Variants in PRDM16 observed in about 807,000 individuals in gnomAD.
The protein encoded by PRDM16 is histone-lysine N-methyltransferase PRDM16.
A neutral mutation model predicts 110.6 loss-of-function variants in PRDM16; 23 were observed. That is an observed-to-expected ratio of 0.21 (90% CI 0.15 to 0.29). The LOEUF is 0.29. PRDM16 is among the 10% of genes least tolerant of loss of function. The pLI is 1.00. For synonymous variants in PRDM16, 799 were observed against 781.8 expected, an observed-to-expected ratio of 1.02 and a Z score of -0.37; for missense variants, 1,615 against 1,794.3, an observed-to-expected ratio of 0.90 and a Z score of 1.81.
intron 1 of PRDM16, among the ~76,000 whole-genome samples, chr1:3,111,230 TG>T (rs1199763204): frequency 6.6e-6 from 1 of 152,078 alleles, no homozygotes; most frequent in African/African-American, 2.4e-5. Context: ...CCAAGGCCCC[TG>T]GGAGACGCGG....
At chr1:3,116,236 G>C (rs183579616) in intron 1 of PRDM16, among the ~76,000 whole-genome samples, 1 of 152,146 alleles carries the variant, frequency 6.6e-6, no homozygotes, top group Non-Finnish European at 1.5e-5. Context: ...CATGGCACCC[G>C]TGTCTCTGCA....
chr1:3,427,610 A>G (rs1638646851), intron 14 of PRDM16, among the ~76,000 whole-genome samples: 1 of 152,086 alleles, frequency 6.6e-6, no homozygotes, highest in Non-Finnish European at 1.5e-5. Context: ...CATCCAAGCA[A>G]TAAACACAGG....
intron 1 of PRDM16, among the ~76,000 whole-genome samples, chr1:3,178,572 A>G (rs1204695263): frequency 2.0e-5 from 3 of 152,184 alleles, no homozygotes; most frequent in African/African-American, 7.2e-5. Flanking sequence ...CTCAGGGTCA[A>G]TAAGGGTTTC....
At chr1:3,227,248 G>A (rs1244713846) in intron 2 of PRDM16, among the ~76,000 whole-genome samples, 1 of 152,214 alleles carries the variant, frequency 6.6e-6, no homozygotes, top group Non-Finnish European at 1.5e-5. Context: ...CAGCCCCGGT[G>A]GCCGTTTGGG....
chr1:3,414,964 T>C (rs1643755269), intron 10 of PRDM16, among the ~76,000 whole-genome samples: 1 of 152,058 alleles, frequency 6.6e-6, no homozygotes, highest in Non-Finnish European at 1.5e-5. Flanking sequence ...GGGCAGGGAT[T>C]GTGAGTGAGG....
chr1:3,339,229 A>G lies in PRDM16; in HGVS notation c.439-45923A>G, dbSNP rs78332062. 1.2e-3 allele frequency among the ~76,000 whole-genome samples: 183 copies of G among 152,084 alleles called. 5 individuals carry two copies. In the East Asian group the frequency reaches 0.034, roughly 28 times the overall value. Reference sequence around the variant, plus strand: ...AAAGCCGAACCACGTTTTGTGGGATACTGCCCCCGAGGGAGACAGCTCACC... The same window carrying G: ...AAAGCCGAACCACGTTTTGTGGGATGCTGCCCCCGAGGGAGACAGCTCACC... On this transcript the variant is annotated intron_variant, in intron 3 of 16. Coordinates refer to ENST00000270722, the MANE Select transcript of PRDM16 (RefSeq NM_022114.4). This position sits in a 1 kb window ranked among gnomAD's most constrained non-coding sequence, Gnocchi z 5.0.
rs368705439 is a variant in PRDM16 at position 3,414,544 on chromosome 1, C to G, written c.2604-16C>G. 15 of 1,606,436 alleles carry G rather than the reference C, an allele frequency of 9.3e-6. No homozygotes were observed. Among genetic ancestry groups the G allele is most frequent in the Middle Eastern group, 3.3e-4 (2 of 6,054 alleles). ...GCGGCTCGGTGGGGTACGTAACCCT[C>G]TGTGCTGTTGTCCAGCAGGGTAGAA... On this transcript the variant is annotated splice_polypyrimidine_tract_variant and intron_variant, in intron 9 of 16. Coordinates refer to ENST00000270722, the MANE Select transcript of PRDM16 (RefSeq NM_022114.4).
intron 1 of PRDM16, among the ~76,000 whole-genome samples, chr1:3,140,076 C>T (rs996356247): frequency 7.2e-5 from 11 of 152,340 alleles, no homozygotes; most frequent in East Asian, 1.9e-4. Context: ...GCGAGACTGG[C>T]GTTTTAAACC....
intron 2 of PRDM16, among the ~76,000 whole-genome samples, chr1:3,200,383 C>A (rs1380129825): frequency 6.6e-6 from 1 of 152,180 alleles, no homozygotes; most frequent in Non-Finnish European, 1.5e-5. Context: ...TGCTCTGCTG[C>A]CCAGGCTGGA....
At chr1:3,092,363 G>A (rs1557439828) in intron 1 of PRDM16, among the ~76,000 whole-genome samples, 1 of 152,014 alleles carries the variant, frequency 6.6e-6, no homozygotes, top group African/African-American at 2.4e-5. Context: ...ACCCGGTCCT[G>A]CCCCACTGCT....
chr1:3,176,804 C>T (rs1390628144), intron 1 of PRDM16, among the ~76,000 whole-genome samples: 1 of 151,316 alleles, frequency 6.6e-6, no homozygotes, highest in Non-Finnish European at 1.5e-5. Context: ...ATCTATCCAC[C>T]CCTTGATTCA....
In PRDM16 at chr1:3,213,298, C is replaced by T. The variant is rs1262462183; in HGVS notation, c.387+26824C>T. Among the ~76,000 whole-genome samples the T allele has an allele frequency of 2.0e-5, 3 of 148,536 alleles. No homozygotes were observed. Among genetic ancestry groups the T allele is most frequent in the African/African-American group, 5.0e-5 (2 of 40,308 alleles). On this transcript the variant is annotated intron_variant, in intron 2 of 16. Transcript: ENST00000270722. This position sits in a 1 kb window ranked among gnomAD's most constrained non-coding sequence, Gnocchi z 5.3. Reference sequence around the variant, plus strand: ...ATTAAACATGGCATGTCCATCAAGTCATAGAGACAACCATTTCTGCTTAAT... The same window carrying T: ...ATTAAACATGGCATGTCCATCAAGTTATAGAGACAACCATTTCTGCTTAAT...
chr1:3,296,507 CG>C (rs1641092750), intron 3 of PRDM16, among the ~76,000 whole-genome samples: 2 of 152,354 alleles, frequency 1.3e-5, no homozygotes, highest in Non-Finnish European at 1.5e-5. Context: ...AGCCCTAACC[CG>C]GGGCCTCGTG....
intron 2 of PRDM16, among the ~76,000 whole-genome samples, chr1:3,210,273 A>C (rs527277165): frequency 4.6e-5 from 7 of 152,298 alleles, no homozygotes; most frequent in African/African-American, 1.7e-4. Flanking sequence ...AGGATTCAAC[A>C]TGAAGGCAGC....
chr1:3,117,582 C>T (rs149655293), intron 1 of PRDM16, among the ~76,000 whole-genome samples: 1 of 151,932 alleles, frequency 6.6e-6, no homozygotes, highest in African/African-American at 2.4e-5. Context: ...CTTGATTTGC[C>T]AAGTTGTCCA....
chr1:3,088,206 G>A (rs1051327639), intron 1 of PRDM16, among the ~76,000 whole-genome samples: 7 of 152,124 alleles, frequency 4.6e-5, no homozygotes, highest in African/African-American at 9.7e-5. Flanking sequence ...CACCGAGGAC[G>A]TAGGCAGGAC....
intron 3 of PRDM16, among the ~76,000 whole-genome samples, chr1:3,338,376 T>G (rs1163838216): frequency 2.0e-5 from 3 of 152,212 alleles, no homozygotes; most frequent in Admixed American, 2.0e-4. Context: ...CCTCTAGGCT[T>G]ATCACAAACA....
At chr1:3,103,276 G>T (rs915255413) in intron 1 of PRDM16, among the ~76,000 whole-genome samples, 2 of 152,210 alleles carry the variant, frequency 1.3e-5, no homozygotes, top group Admixed American at 6.5e-5. Flanking sequence ...GGCCCCTCTT[G>T]GGCCCTGTCT....
At position 3,255,279 on chromosome 1, in the gene PRDM16, A is replaced by G. The variant is rs1243619712; in HGVS notation, c.438+11142A>G. Among the ~76,000 whole-genome samples the G allele has an allele frequency of 1.3e-5, 2 of 152,208 alleles. No homozygotes were observed. Among genetic ancestry groups the G allele is most frequent in the Non-Finnish European group, 2.9e-5 (2 of 68,048 alleles). On this transcript the variant is annotated intron_variant, in intron 3 of 16. Transcript: ENST00000270722. The surrounding 1 kb of genome is among the most constrained non-coding windows in gnomAD (Gnocchi z 4.7). ...CTTCATGTCTAAAACACCACAAGCA[A>G]TGGCAACAAAAGCCACCACACTCTT...
Sources: gnomAD v4.1 joint callset for allele counts (sites outside exome capture counted in the v4.1 genomes callset) on GRCh38, gnomAD v4.1.1 for gene constraint, Gnocchi (gnomAD v3.1) non-coding constraint, MANE v1.5 for transcripts, NCBI Gene and HGNC (gene_info 2026-07-23, HGNC 2026-07-21) for gene names.